The following MYO1C variants were observed in gnomAD, a reference collection of about 807,000 sequenced individuals.
MYO1C encodes the protein myosin IC, also known as unconventional myosin-Ic.
MYO1C carries 104 observed loss-of-function variants against 150.8 expected under a neutral mutation model. That is an observed-to-expected ratio of 0.69 (90% CI 0.59 to 0.81). The LOEUF is 0.81. MYO1C is among the 30% of genes least tolerant of loss of function. The pLI is 0.00. For missense variants in MYO1C, 1,504 were observed against 1,435.0 expected, an observed-to-expected ratio of 1.05 and a Z score of -0.78; for synonymous variants, 663 against 579.9, an observed-to-expected ratio of 1.14 and a Z score of -2.06.
chr17:1,469,474 A>G, intron 25 of MYO1C, 57 bp downstream of exon 25: 1 of 1,328,226 alleles, frequency 7.5e-7, no homozygotes, highest in Non-Finnish European at 1.0e-6. Flanking sequence ...CCTTTGAGCA[A>G]TGCTTGCGAC....
Position 1,478,407 on chromosome 17 carries a change from G to T in MYO1C, c.1295+3C>A, listed in dbSNP as rs201086772. The stretch of plus-strand genomic sequence containing the variant: ...GGAGAGACGGGGGAAAGATGGCACC[G>T]ACCTGTTATGCTGAAACACTTCAAA... On this transcript the variant is annotated splice_donor_region_variant and intron_variant, in intron 11 of 31. Coordinates refer to ENST00000648651, the MANE Select transcript of MYO1C (RefSeq NM_001080779.2). The surrounding 1 kb of genome is among the most constrained non-coding windows in gnomAD (Gnocchi z 6.3). 2 of 1,614,128 alleles carry T rather than the reference G, an allele frequency of 1.2e-6. No individual in the cohort carries two copies. The highest frequency in any genetic ancestry group is 8.5e-7 in the Non-Finnish European group (1 of 1,180,020).
rs1186830827 is a variant in MYO1C at position 1,474,852 on chromosome 17, A to G, written c.1676T>C (p.Leu559Pro). 4 of 1,613,262 alleles carry G rather than the reference A, an allele frequency of 2.5e-6. No homozygotes were observed. In the Admixed American group the frequency reaches 5.0e-5, roughly 20 times the overall value. Residue 559 changes from leucine to proline, a missense_variant, in exon 16 of 32, where the codon CTG becomes CCG. Transcript: ENST00000648651. The stretch of plus-strand genomic sequence containing the variant: ...GAAGAGAAGGTCATTGTTTTTGTCC[A>G]GAAACCCTGGGAGGGGAGAACCGAC... Reference protein sequence around the residue: ...GEVTYSVTGFLDKNNDLLFRN... With the variant: ...GEVTYSVTGFPDKNNDLLFRN...
At chr17:1,480,144 CAA>C (rs34326248) in intron 7 of MYO1C, among the ~76,000 whole-genome samples, 1,249 of 42,552 alleles carry the variant, frequency 0.029, 12 homozygotes, top group African/African-American at 0.1. Flanking sequence ...GACTCCATCT[CAA>C]AAAAAAAAAA....
chr17:1,478,256 G>A lies in MYO1C; in HGVS notation c.1296-64C>T, dbSNP rs45459494. The A allele has an allele frequency of 5.9e-5, 92 of 1,569,592 alleles. No individual in the cohort carries two copies. The East Asian group carries it at 2.0e-3, about 35-fold the overall frequency. Reference sequence around the variant, plus strand: ...GACACAGGACCAGGAGAGGGGAAAAGCTGGACGACGCCCCTGAGCACAGGA... The same window carrying A: ...GACACAGGACCAGGAGAGGGGAAAAACTGGACGACGCCCCTGAGCACAGGA... On this transcript the variant is annotated intron_variant, in intron 11 of 31. Transcript: ENST00000648651. This position sits in a 1 kb window ranked among gnomAD's most constrained non-coding sequence, Gnocchi z 6.3.
At chr17:1,485,162 G>A (rs1449388687) in intron 1 of MYO1C, 2 of 1,197,008 alleles carry the variant, frequency 1.7e-6, no homozygotes, top group Admixed American at 3.6e-5. Flanking sequence ...CTGGAGGGTG[G>A]AGGGTGGTGC....
chr17:1,484,682 G>T, intron 1 of MYO1C: 1 of 413,142 alleles, frequency 2.4e-6, no homozygotes, highest in South Asian at 2.1e-5. Context: ...GGAACTCCTT[G>T]AAATAGCAGA....
At chr17:1,471,666 G>A (rs751889527) in intron 19 of MYO1C, among the ~76,000 whole-genome samples, 2 of 152,190 alleles carry the variant, frequency 1.3e-5, no homozygotes, top group African/African-American at 2.4e-5. Flanking sequence ...GCACGTGGAC[G>A]GAGGCCTCCT....
At chr17:1,470,944 T>G (rs2074289983) in intron 21 of MYO1C, 127 bp downstream of exon 21, 1 of 1,130,430 alleles carries the variant, frequency 8.8e-7, no homozygotes, top group Non-Finnish European at 1.3e-6. Context: ...AAGGACTCCC[T>G]GGAGCTGGGC....
At chr17:1,469,237 AAT>A (rs2074244486) in intron 25 of MYO1C, 1 of 450,588 alleles carries the variant, frequency 2.2e-6, no homozygotes, top group Non-Finnish European at 4.2e-6. Context: ...GACCGGGGTC[AAT>A]ACTATAGACG....
At chr17:1,466,210 G>C (rs2074168484) in intron 31 of MYO1C, among the ~76,000 whole-genome samples, 2 of 142,686 alleles carry the variant, frequency 1.4e-5, no homozygotes, top group Non-Finnish European at 3.0e-5. Flanking sequence ...CCAGGCTGGA[G>C]TGCAGTGGTG....
chr17:1,481,037 C>T (rs949428830), intron 5 of MYO1C, 152 bp from the exon 6 acceptor site: 1 of 711,158 alleles, frequency 1.4e-6, no homozygotes, highest in Admixed American at 2.7e-5. Flanking sequence ...GGCACGCCAC[C>T]CACGCTGGAC....
chr17:1,489,167 T>C (rs997088048), intron 1 of MYO1C, among the ~76,000 whole-genome samples: 18 of 152,312 alleles, frequency 1.2e-4, no homozygotes, highest in Non-Finnish European at 1.5e-4. Flanking sequence ...AACTTCTGTT[T>C]ATTAAACAAA....
rs201626133 is a variant in MYO1C, at chr17:1,478,390, G to A, written c.1295+20C>T. ...AGGACAGGAGACCGGGAGGAGAGAC[G>A]GGGGAAAGATGGCACCGACCTGTTA... On this transcript the variant is annotated intron_variant, in intron 11 of 31. Transcript: ENST00000648651. The surrounding 1 kb of genome is among the most constrained non-coding windows in gnomAD (Gnocchi z 6.3). 175 of 1,613,760 alleles carry A rather than the reference G, an allele frequency of 1.1e-4. 1 individual carries two copies. In the Admixed American group the frequency reaches 2.4e-3, roughly 22 times the overall value.
chr17:1,467,408 A>G (rs1201817796), intron 30 of MYO1C, 67 bp from the exon 31 acceptor site: 1 of 1,589,270 alleles, frequency 6.3e-7, no homozygotes, highest in Non-Finnish European at 8.6e-7. Flanking sequence ...GTGGACCCCC[A>G]CCCTGTCCCT....
chr17:1,475,547 C>T (rs890933850), intron 14 of MYO1C, among the ~76,000 whole-genome samples: 5 of 152,314 alleles, frequency 3.3e-5, no homozygotes, highest in African/African-American at 4.8e-5. Context: ...GGCCTCCTGA[C>T]GGCCAGGGTA....
Position 1,478,827 on chromosome 17 carries a change from C to T in MYO1C, c.1093-92G>A. On this transcript the variant is annotated intron_variant, in intron 9 of 31. Coordinates refer to ENST00000648651, the MANE Select transcript of MYO1C (RefSeq NM_001080779.2). This position sits in a 1 kb window ranked among gnomAD's most constrained non-coding sequence, Gnocchi z 6.3. Reference sequence around the variant, plus strand: ...CTCAGGCAGACCAGGAAGCCGCCACCACTCTGCACTCCCAGCTCCAGCAAG... The same window carrying T: ...CTCAGGCAGACCAGGAAGCCGCCACTACTCTGCACTCCCAGCTCCAGCAAG... The T allele has an allele frequency of 6.3e-7, 1 of 1,576,634 alleles. No individual in the cohort carries two copies. The highest frequency in any genetic ancestry group is 8.6e-7 in the Non-Finnish European group (1 of 1,163,066).
chr17:1,483,974 G>A (rs1309406620), intron 2 of MYO1C, among the ~76,000 whole-genome samples, 174 bp downstream of exon 2: 2 of 151,954 alleles, frequency 1.3e-5, no homozygotes, highest in Non-Finnish European at 2.9e-5. Flanking sequence ...CCCGGGGGGA[G>A]GAGGTTACAG....
At chr17:1,481,233 T>C (rs1254887890) in intron 5 of MYO1C, 1 of 317,756 alleles carries the variant, frequency 3.1e-6, no homozygotes, top group African/African-American at 2.1e-5. Flanking sequence ...TTCTCGTTGT[T>C]CAAGCCAAGG....
chr17:1,483,876 C>A (rs927216040), intron 2 of MYO1C, 151 bp from the exon 3 acceptor site: 2 of 728,854 alleles, frequency 2.7e-6, no homozygotes, highest in Non-Finnish European at 4.6e-6. Flanking sequence ...AAATCCGTCT[C>A]TACTAAAAAT....
Sources: gnomAD v4.1 joint callset for allele counts (sites outside exome capture counted in the v4.1 genomes callset) on GRCh38, gnomAD v4.1.1 for gene constraint, Gnocchi (gnomAD v3.1) non-coding constraint, MANE v1.5 for transcripts, NCBI Gene and HGNC (gene_info 2026-07-23, HGNC 2026-07-21) for gene names.